RAB6A: variants seen among roughly 807,000 people sequenced by gnomAD.
RAB6A encodes the protein RAB6A, member RAS oncogene family.
A neutral mutation model predicts 32.3 loss-of-function variants in RAB6A; 8 were observed. The observed-to-expected ratio is 0.25, with a 90% CI of 0.15 to 0.45. The LOEUF is 0.45. Among genes scored for constraint, RAB6A ranks in the 20% least tolerant of loss-of-function variants. RAB6A has a pLI of 1.00. For synonymous variants in RAB6A, 73 were observed against 82.1 expected (o/e 0.89, Z 0.60); for missense variants, 104 against 249.4 (o/e 0.42, Z 3.93).
chr11:73,699,458 ATT>A (rs1945707204), intron 6 of RAB6A, among the ~76,000 whole-genome samples: 1 of 151,850 alleles, frequency 6.6e-6, no homozygotes, highest in Non-Finnish European at 1.5e-5. Context: ...TTTATTTTTC[ATT>A]ATTCTGTAGA....
intron 2 of RAB6A, among the ~76,000 whole-genome samples, chr11:73,723,869 T>C (rs1198684862): frequency 6.6e-6 from 1 of 152,112 alleles, no homozygotes. Context: ...AGATACTCAA[T>C]AAAGGCTAAG....
chr11:73,746,680 C>T (rs530409741), intron 1 of RAB6A, among the ~76,000 whole-genome samples: 1 of 151,840 alleles, frequency 6.6e-6, no homozygotes, highest in African/African-American at 2.4e-5. Flanking sequence ...ATTGCCTAAG[C>T]CCAGGAGACT....
At chr11:73,710,202 G>A (rs12274842) in intron 5 of RAB6A, among the ~76,000 whole-genome samples, 1,573 of 148,816 alleles carry the variant, frequency 0.011, 23 homozygotes, top group African/African-American at 0.034. Flanking sequence ...TCCGGACCTC[G>A]TGATCCACCC....
intron 6 of RAB6A, among the ~76,000 whole-genome samples, chr11:73,688,988 T>A (rs1945502753): frequency 6.6e-6 from 1 of 151,894 alleles, no homozygotes; most frequent in South Asian, 2.1e-4. Flanking sequence ...CCAGGTGTGG[T>A]GGTAGGCTCC....
At chr11:73,708,642 A>G (rs1945889447) in intron 5 of RAB6A, among the ~76,000 whole-genome samples, 1 of 152,208 alleles carries the variant, frequency 6.6e-6, no homozygotes, top group Non-Finnish European at 1.5e-5. Flanking sequence ...TGTCATTTAT[A>G]TTGGTATTCC....
At chr11:73,756,925 C>G (rs769649668) in intron 1 of RAB6A, among the ~76,000 whole-genome samples, 1 of 151,668 alleles carries the variant, frequency 6.6e-6, no homozygotes, top group African/African-American at 2.4e-5. Flanking sequence ...TTGCCTGCCT[C>G]GGACTCCTAA....
chr11:73,749,377 T>C (rs1473942792), intron 1 of RAB6A, among the ~76,000 whole-genome samples: 1 of 152,082 alleles, frequency 6.6e-6, no homozygotes, highest in Non-Finnish European at 1.5e-5. Context: ...GGGAGAGGGA[T>C]AAAAGACTAC....
intron 1 of RAB6A, among the ~76,000 whole-genome samples, chr11:73,732,750 ACT>A (rs1192294329): frequency 1.3e-5 from 2 of 151,808 alleles, no homozygotes; most frequent in Non-Finnish European, 2.9e-5. Context: ...ACACAGTGAG[ACT>A]CTGTCTCAAA....
At chr11:73,715,577 A>T (rs1357160354) in intron 5 of RAB6A, among the ~76,000 whole-genome samples, 2 of 152,256 alleles carry the variant, frequency 1.3e-5, no homozygotes, top group Non-Finnish European at 2.9e-5. Context: ...ACAAATAAAT[A>T]GTAAAAGCTC....
chr11:73,747,758 T>C (rs879503093), intron 1 of RAB6A, among the ~76,000 whole-genome samples: 1 of 152,186 alleles, frequency 6.6e-6, no homozygotes, highest in Admixed American at 6.6e-5. Flanking sequence ...TTTCAAATAA[T>C]ACTTGTCAGT....
At chr11:73,745,478 C>CT (rs1156339050) in intron 1 of RAB6A, among the ~76,000 whole-genome samples, 5 of 152,164 alleles carry the variant, frequency 3.3e-5, no homozygotes, top group African/African-American at 1.2e-4. Flanking sequence ...GGTGCAGTGA[C>CT]TAACGCCTAT....
intron 6 of RAB6A, among the ~76,000 whole-genome samples, chr11:73,681,411 A>G (rs1235339788): frequency 6.6e-6 from 1 of 152,230 alleles, no homozygotes; most frequent in Non-Finnish European, 1.5e-5. Context: ...TACATGCATA[A>G]AATGCTCAGG....
chr11:73,723,191 T>C (rs777319151), intron 2 of RAB6A, among the ~76,000 whole-genome samples: 1 of 152,172 alleles, frequency 6.6e-6, no homozygotes, highest in Non-Finnish European at 1.5e-5. Flanking sequence ...AGTTAGTCTC[T>C]ACCCAAATTG....
At chr11:73,746,611 ATAAAAAAATT>A (rs1209189142) in intron 1 of RAB6A, among the ~76,000 whole-genome samples, 2 of 152,122 alleles carry the variant, frequency 1.3e-5, no homozygotes, top group African/African-American at 4.8e-5. Context: ...TCTGCTAAAA[ATAAAAAAATT>A]TAGCTGGGGA....
At chr11:73,728,650 TG>T (rs1946261093) in intron 2 of RAB6A, among the ~76,000 whole-genome samples, 1 of 48,000 alleles carries the variant, frequency 2.1e-5, no homozygotes, top group African/African-American at 6.1e-5. Context: ...TAATAATAAA[TG>T]AAATAAAAAT....
intron 3 of RAB6A, among the ~76,000 whole-genome samples, chr11:73,720,010 A>G (rs1020302217): frequency 2.0e-4 from 31 of 152,146 alleles, no homozygotes; most frequent in African/African-American, 7.2e-4. Flanking sequence ...ACTGGAAATT[A>G]AATAATGTTT....
intron 7 of RAB6A, among the ~76,000 whole-genome samples, chr11:73,678,313 T>C (rs1945297678): frequency 6.6e-6 from 1 of 152,194 alleles, no homozygotes; most frequent in Non-Finnish European, 1.5e-5. Flanking sequence ...AGAGGAAACA[T>C]TTAGTAAATA....
At chr11:73,681,686 G>A (rs553228711) in intron 6 of RAB6A, among the ~76,000 whole-genome samples, 5 of 152,284 alleles carry the variant, frequency 3.3e-5, no homozygotes, top group East Asian at 1.9e-4. Context: ...GCGCATGCCC[G>A]TAATCCCAGC....
In RAB6A at chr11:73,742,019, C is replaced by T. The variant is rs190540730; in HGVS notation, c.71-11196G>A. Among the ~76,000 whole-genome samples the T allele has an allele frequency of 1.8e-4, 27 of 152,262 alleles. 1 individual carries two copies. In the East Asian group the frequency reaches 4.8e-3, roughly 27 times the overall value. On this transcript the variant is annotated intron_variant, in intron 1 of 7. Coordinates refer to ENST00000336083, the MANE Select transcript of RAB6A (RefSeq NM_198896.2). Reference sequence around the variant, plus strand: ...AAAATAGGCTGGGCATGGTGGCTCACGCCTGTAATTCCAGCACGTTGGGAG... The same window carrying T: ...AAAATAGGCTGGGCATGGTGGCTCATGCCTGTAATTCCAGCACGTTGGGAG...
Sources: gnomAD v4.1 joint callset for allele counts (sites outside exome capture counted in the v4.1 genomes callset) on GRCh38, gnomAD v4.1.1 for gene constraint, MANE v1.5 for transcripts, NCBI Gene and HGNC (gene_info 2026-07-23, HGNC 2026-07-21) for gene names.